ATRNL1: variants seen among roughly 807,000 people sequenced by gnomAD.
The protein encoded by ATRNL1 is attractin-like protein 1.
A neutral mutation model predicts 182.7 loss-of-function variants in ATRNL1; 95 were observed. The observed-to-expected ratio is 0.52, with a 90% CI of 0.44 to 0.62. The LOEUF is 0.62. ATRNL1 is among the 20% of genes least tolerant of loss of function. The pLI is 0.00. For synonymous variants in ATRNL1, 576 were observed against 568.3 expected (o/e 1.01, Z -0.19); for missense variants, 1,471 against 1,679.5 (o/e 0.88, Z 2.17).
At position 115,297,650 on chromosome 10, in the gene ATRNL1, T is replaced by TAA. The variant is rs5788102; in HGVS notation, c.2416-2365_2416-2364dup. Among the ~76,000 whole-genome samples, 108 of 116,076 alleles carry TAA rather than the reference T, an allele frequency of 9.3e-4. 2 individuals are homozygous for TAA. The South Asian group carries it at 0.024, about 26-fold the overall frequency. The allele number at this position is 116,076 out of a possible 152,430, so 76.2% of individuals were successfully genotyped here. On this transcript the variant is annotated intron_variant, in intron 15 of 28. Transcript: ENST00000355044. Reference sequence around the variant, plus strand: ...TGGGCGACAGAGTAAGACTCCGTCTTAAAAAAAAAAAAAAAAAAAAGGGAC... The same window carrying TAA: ...TGGGCGACAGAGTAAGACTCCGTCTTAAAAAAAAAAAAAAAAAAAAAAGGGAC...
chr10:115,349,175 T>C lies in ATRNL1; in HGVS notation c.3175+14756T>C, dbSNP rs371174204. Among the ~76,000 whole-genome samples, 106 of 152,308 alleles carry C rather than the reference T, an allele frequency of 7.0e-4. 2 individuals carry two copies. In the South Asian group the frequency reaches 0.021, roughly 31 times the overall value. Reference sequence around the variant, plus strand: ...CATTCACTACCTCCAGGAGATCAATTGTTTTAGCTCCCACATATGAATGAG... The same window carrying C: ...CATTCACTACCTCCAGGAGATCAATCGTTTTAGCTCCCACATATGAATGAG... On this transcript the variant is annotated intron_variant, in intron 19 of 28. Transcript: ENST00000355044.
At chr10:115,929,473 A>G (rs1385032821) in intron 28 of ATRNL1, among the ~76,000 whole-genome samples, 2 of 152,216 alleles carry the variant, frequency 1.3e-5, no homozygotes, top group Non-Finnish European at 2.9e-5. Context: ...TTAAACTGAA[A>G]CATATCCAAA....
intron 20 of ATRNL1, among the ~76,000 whole-genome samples, chr10:115,414,444 A>C (rs1845291782): frequency 6.6e-6 from 1 of 151,240 alleles, no homozygotes; most frequent in African/African-American, 2.4e-5. Flanking sequence ...GATAGGATTC[A>C]CTTGAAGTTT....
intron 20 of ATRNL1, among the ~76,000 whole-genome samples, chr10:115,414,365 C>A (rs1036626483): frequency 6.6e-6 from 1 of 151,232 alleles, no homozygotes; most frequent in Non-Finnish European, 1.5e-5. Flanking sequence ...TTTTTTCCCT[C>A]TTCTCTTCTT....
chr10:115,453,505 G>C (rs1565059643), intron 21 of ATRNL1, among the ~76,000 whole-genome samples: 1 of 151,944 alleles, frequency 6.6e-6, no homozygotes, highest in Non-Finnish European at 1.5e-5. Context: ...TGCCTTTGCT[G>C]TTTGATGTAA....
At position 115,674,329 on chromosome 10, in the gene ATRNL1, A is replaced by G. The variant is rs533003125; in HGVS notation, c.3796-52919A>G. Among the ~76,000 whole-genome samples, 59 of 152,208 alleles carry G rather than the reference A, an allele frequency of 3.9e-4. 1 individual carries two copies. The South Asian group carries it at 0.012, about 30-fold the overall frequency. ...GAGCTTTAGATAGCCTAGATCCTTA[A>G]GTCACTATGTGGAAGAGAAAGCCCT... On this transcript the variant is annotated intron_variant, in intron 26 of 28. Coordinates refer to ENST00000355044, the MANE Select transcript of ATRNL1 (RefSeq NM_207303.4).
At chr10:115,389,164 G>A (rs1554953470) in intron 19 of ATRNL1, among the ~76,000 whole-genome samples, 1 of 151,920 alleles carries the variant, frequency 6.6e-6, no homozygotes, top group Non-Finnish European at 1.5e-5. Flanking sequence ...TGTAGTAGTT[G>A]TCTTTTTGTG....
chr10:115,680,513 G>A (rs568185504), intron 26 of ATRNL1, among the ~76,000 whole-genome samples: 1 of 152,262 alleles, frequency 6.6e-6, no homozygotes, highest in East Asian at 1.9e-4. Flanking sequence ...TATTTGGTGA[G>A]CATTGCAGTC....
At chr10:115,382,253 G>A (rs1197604223) in intron 19 of ATRNL1, among the ~76,000 whole-genome samples, 1 of 151,982 alleles carries the variant, frequency 6.6e-6, no homozygotes, top group Non-Finnish European at 1.5e-5. Flanking sequence ...ATTCTGGTAA[G>A]GATTACATGA....
chr10:115,184,549 A>G (rs1286617766), intron 8 of ATRNL1, among the ~76,000 whole-genome samples: 4 of 151,762 alleles, frequency 2.6e-5, no homozygotes, highest in Non-Finnish European at 4.4e-5. Flanking sequence ...GAACACAGGA[A>G]AGATAAACCA....
At chr10:115,271,953 G>A (rs782575894) in intron 13 of ATRNL1, among the ~76,000 whole-genome samples, 4 of 152,138 alleles carry the variant, frequency 2.6e-5, no homozygotes, top group South Asian at 2.1e-4. Flanking sequence ...TGGGCCACCC[G>A]CTTGTTGATA....
intron 28 of ATRNL1, among the ~76,000 whole-genome samples, chr10:115,859,750 A>G (rs1555103053): frequency 6.6e-6 from 1 of 152,172 alleles, no homozygotes; most frequent in African/African-American, 2.4e-5. Flanking sequence ...CATAGTATCT[A>G]CCAAAGGCAT....
chr10:115,395,367 T>C (rs1198057788), intron 20 of ATRNL1, among the ~76,000 whole-genome samples: 1 of 151,886 alleles, frequency 6.6e-6, no homozygotes, highest in African/African-American at 2.4e-5. Flanking sequence ...GAGAATTTAC[T>C]TGCACCTAAT....
intron 19 of ATRNL1, among the ~76,000 whole-genome samples, chr10:115,363,003 C>T (rs1299600241): frequency 2.6e-5 from 4 of 151,994 alleles, no homozygotes; most frequent in Non-Finnish European, 4.4e-5. Flanking sequence ...GTCTTTATAG[C>T]AGCATGATTT....
At chr10:115,169,000 C>G (rs1847172024) in intron 7 of ATRNL1, among the ~76,000 whole-genome samples, 1 of 145,632 alleles carries the variant, frequency 6.9e-6, no homozygotes, top group South Asian at 2.1e-4. Context: ...ATATAGTATG[C>G]AGTAAGGGTG....
intron 10 of ATRNL1, among the ~76,000 whole-genome samples, chr10:115,255,866 G>A (rs1003137866): frequency 5.9e-5 from 9 of 152,016 alleles, no homozygotes; most frequent in East Asian, 1.9e-4. Flanking sequence ...GAATTTTGTC[G>A]AAGGCCTTTT....
At chr10:115,852,265 G>A (rs1333056752) in intron 28 of ATRNL1, among the ~76,000 whole-genome samples, 1 of 152,148 alleles carries the variant, frequency 6.6e-6, no homozygotes, top group Admixed American at 6.5e-5. Context: ...AAAGTCTAAG[G>A]TTTTGAAATT....
chr10:115,222,340 A>G (rs974475814), intron 9 of ATRNL1, among the ~76,000 whole-genome samples: 3 of 152,176 alleles, frequency 2.0e-5, no homozygotes, highest in Middle Eastern at 3.2e-3. Context: ...TGTCTAACCC[A>G]CATGTGTAAT....
At chr10:115,369,208 A>G (rs1172227316) in intron 19 of ATRNL1, among the ~76,000 whole-genome samples, 2 of 145,884 alleles carry the variant, frequency 1.4e-5, no homozygotes, top group African/African-American at 5.0e-5. Flanking sequence ...TATGTATATA[A>G]TGTGGAGAAA....
Sources: allele counts gnomAD v4.1 joint callset (sites outside exome capture counted in the v4.1 genomes callset), GRCh38; gene constraint gnomAD v4.1.1; transcripts MANE v1.5; gene names NCBI Gene and HGNC (gene_info 2026-07-23, HGNC 2026-07-21).